The following NDUFA8 variants were observed in gnomAD, a reference collection of about 807,000 sequenced individuals.
NDUFA8 encodes NADH:ubiquinone oxidoreductase subunit A8.
Under a neutral mutation model 20.9 loss-of-function variants are expected in NDUFA8, and 16 were observed. The observed-to-expected ratio is 0.77, with a 90% CI of 0.52 to 1.16. The LOEUF (loss-of-function observed/expected upper bound fraction) is 1.16, where lower values mean the gene tolerates loss of function less well. NDUFA8 is among the 50% of genes most tolerant of loss of function. The pLI is 0.00. For synonymous variants in NDUFA8, 70 were observed against 76.1 expected (o/e 0.92, Z 0.41); for missense variants, 202 against 216.4 (o/e 0.93, Z 0.42).
In NDUFA8 at chr9:122,152,392, G is replaced by A. The variant is rs190678946; in HGVS notation, c.68C>T (p.Ala23Val). 78 of 1,614,118 alleles carry A rather than the reference G, an allele frequency of 4.8e-5. No individual in the cohort carries two copies. The Admixed American group carries it at 6.5e-4, about 13-fold the overall frequency. The part of the protein sequence containing the change: ...LKVDEVKISS[A>V]VLKAAAHHYG... ...GTGATGGGCCGCAGCTTTAAGCACAGCAGAACTAATTTTCACCTAGGAAAG... is the reference window on the plus strand; with the variant it reads ...GTGATGGGCCGCAGCTTTAAGCACAACAGAACTAATTTTCACCTAGGAAAG... The change falls in exon 2 of 4, where the codon GCT (alanine) becomes GTT (valine). Residue 23 changes from alanine (A) to valine (V), a missense_variant. Physicochemically the swap from Ala to Val is moderately conservative, Grantham distance 64 (BLOSUM62 0). Transcript: ENST00000373768.
In NDUFA8 at chr9:122,148,170, T is replaced by C. The variant is rs1828934630; in HGVS notation, c.323A>G (p.Asp108Gly). 4 of 1,614,034 alleles carry C rather than the reference T, an allele frequency of 2.5e-6. No individual in the cohort carries two copies. The highest frequency in any genetic ancestry group is 8.5e-7 in the Non-Finnish European group (1 of 1,180,020). Residue 108 changes from aspartate to glycine, a missense_variant, in exon 3 of 4, where the codon GAC becomes GGC. By Grantham distance (94) the Asp-to-Gly change is moderately conservative. Coordinates refer to ENST00000373768, the MANE Select transcript of NDUFA8 (RefSeq NM_014222.3). ...GCCCAGTTTGTCCAGCACACACTCG[T>C]CAAACTTTGCCTGCTGTTTGCGACA... ...RHCRKQQAKF[D>G]ECVLDKLGWV... is the part of the protein sequence containing the mutation.
At chr9:122,132,958 C>T in the NDUFA8 span, 3 of 455,958 alleles carry the variant, frequency 6.6e-6, no homozygotes, top group African/African-American at 6.0e-5. Context: ...TCTCTCCAGT[C>T]CTTGGGAAAG....
chr9:122,134,334 C>T, the NDUFA8 span, among the ~76,000 whole-genome samples: 7 of 152,152 alleles, frequency 4.6e-5, no homozygotes, highest in Non-Finnish European at 8.8e-5. Context: ...CCAGTTCTAC[C>T]ACTTACTATA....
chr9:122,145,704 A>C (rs1002158261), intron 3 of NDUFA8, among the ~76,000 whole-genome samples: 2 of 152,264 alleles, frequency 1.3e-5, no homozygotes, highest in African/African-American at 4.8e-5. Flanking sequence ...CACTAATGTC[A>C]GAGCTAAAGC....
At chr9:122,150,477 T>C (rs1232055843) in intron 2 of NDUFA8, among the ~76,000 whole-genome samples, 1 of 149,972 alleles carries the variant, frequency 6.7e-6, no homozygotes, top group Non-Finnish European at 1.5e-5. Flanking sequence ...TCAAAGCCCT[T>C]TATAGAGTAA....
rs138336725 is a variant in NDUFA8 at position 122,151,166 on chromosome 9, T to A, written c.215+1079A>T. On this transcript the variant is annotated intron_variant, in intron 2 of 3. Transcript: ENST00000373768. ...GGAAAGCAGCTACTGTGCTAAGGTA[T>A]CTATTTTTTTTCTCTAACTTCATTG... Among the ~76,000 whole-genome samples, 4 of 152,226 alleles carry A rather than the reference T, an allele frequency of 2.6e-5. No homozygotes were observed. The East Asian group carries it at 7.7e-4, about 29-fold the overall frequency.
downstream of NDUFA8, among the ~76,000 whole-genome samples, chr9:122,143,002 G>A (rs936593455): frequency 6.6e-6 from 1 of 152,198 alleles, no homozygotes; most frequent in East Asian, 1.9e-4. Flanking sequence ...GAACACGTGG[G>A]GGTTCTGCTG....
downstream of NDUFA8, chr9:122,143,937 C>T: frequency 1.6e-6 from 1 of 617,024 alleles, no homozygotes; most frequent in African/African-American, 1.9e-5. Flanking sequence ...GGATCCCCAG[C>T]CACATGAGCG....
At chr9:122,148,684 C>T (rs2118703391) in intron 2 of NDUFA8, among the ~76,000 whole-genome samples, 1 of 152,046 alleles carries the variant, frequency 6.6e-6, no homozygotes, top group South Asian at 2.1e-4. Flanking sequence ...ACGTGACAGA[C>T]AATGGCAAAG....
chr9:122,137,885 C>T, the NDUFA8 span, among the ~76,000 whole-genome samples: 1 of 152,180 alleles, frequency 6.6e-6, no homozygotes, highest in Non-Finnish European at 1.5e-5. Context: ...ATAACAAGGT[C>T]ACAGACGGAG....
chr9:122,142,387 T>C (rs1828835497), downstream of NDUFA8, among the ~76,000 whole-genome samples: 1 of 152,212 alleles, frequency 6.6e-6, no homozygotes. Flanking sequence ...CGGAATAGGC[T>C]GGGAGTGCTT....
At position 122,152,384 on chromosome 9, in the gene NDUFA8, T is replaced by TA. The variant is rs1564409856; in HGVS notation, c.75dup (p.Lys26Ter). On this transcript the variant is annotated frameshift_variant, in exon 2 of 4. Transcript: ENST00000373768. LOFTEE classifies it high-confidence loss of function. The stretch of plus-strand genomic sequence containing the variant: ...GCTCCATAGTGATGGGCCGCAGCTT[T>TA]AAGCACAGCAGAACTAATTTTCACC... 1 of 1,614,116 alleles carries TA rather than the reference T, an allele frequency of 6.2e-7. No homozygotes were observed. Among genetic ancestry groups the TA allele is most frequent in the Non-Finnish European group, 8.5e-7 (1 of 1,180,030 alleles).
intron 3 of NDUFA8, among the ~76,000 whole-genome samples, chr9:122,144,629 A>C (rs751643568): frequency 2.6e-5 from 4 of 152,232 alleles, no homozygotes; most frequent in Admixed American, 6.5e-5. Flanking sequence ...CAAGGGGATC[A>C]CAGTCTAGTG....
Position 122,159,748 on chromosome 9 carries a change from C to G in NDUFA8, c.-71G>C, listed in dbSNP as rs375652986. On this transcript the variant is annotated 5_prime_UTR_variant, in exon 1 of 4. Coordinates refer to ENST00000373768, the MANE Select transcript of NDUFA8 (RefSeq NM_014222.3). ...CCCCCGTCTCCTTGAACTCCCCTTT[C>G]GACCGCCGAGTGCCACACGGCGCCT... 1 of 1,608,544 alleles carries G rather than the reference C, an allele frequency of 6.2e-7. No individual in the cohort carries two copies. The highest frequency in any genetic ancestry group is 1.3e-5 in the African/African-American group (1 of 74,978).
At chr9:122,149,324 C>A (rs1828955528) in intron 2 of NDUFA8, among the ~76,000 whole-genome samples, 1 of 152,200 alleles carries the variant, frequency 6.6e-6, no homozygotes, top group South Asian at 2.1e-4. Context: ...CTTAGGTTTC[C>A]CTTCCGGGTA....
chr9:122,147,617 ATTTTTTTTTTT>A (rs34576446), intron 3 of NDUFA8, among the ~76,000 whole-genome samples: 2 of 106,762 alleles, frequency 1.9e-5, no homozygotes, highest in Admixed American at 2.3e-4. Context: ...GCCTAAAGAA[ATTTTTTTTTTT>A]TTTTTTTTTT....
At chr9:122,142,363 C>A (rs1180603217), downstream of NDUFA8, among the ~76,000 whole-genome samples, 2 of 152,202 alleles carry the variant, frequency 1.3e-5, no homozygotes, top group Non-Finnish European at 2.9e-5. Context: ...TCGTTCTACA[C>A]CTTGGCTTCA....
At chr9:122,157,701 A>G (rs1304838245) in intron 1 of NDUFA8, among the ~76,000 whole-genome samples, 3 of 150,464 alleles carry the variant, frequency 2.0e-5, no homozygotes, top group African/African-American at 5.0e-5. Flanking sequence ...GGAACAAAAG[A>G]GTGGGGGCCA....
At chr9:122,159,174 C>T (rs1028544827) in intron 1 of NDUFA8, among the ~76,000 whole-genome samples, 70 of 152,156 alleles carry the variant, frequency 4.6e-4, no homozygotes, top group African/African-American at 1.6e-3. Flanking sequence ...AATATTGTCT[C>T]ATTTTCCCGC....
Sources: allele counts gnomAD v4.1 joint callset (sites outside exome capture counted in the v4.1 genomes callset), GRCh38; gene constraint gnomAD v4.1.1; transcripts MANE v1.5; gene names NCBI Gene and HGNC (gene_info 2026-07-23, HGNC 2026-07-21).